MAP4: variants seen among roughly 807,000 people sequenced by gnomAD.
MAP4 encodes the protein microtubule-associated protein 4.
In MAP4, 76 loss-of-function variants were observed where a neutral mutation model predicts 170.2. The ratio of observed to expected loss-of-function variants is 0.45; its 90% CI spans 0.37 to 0.54. MAP4 has a LOEUF of 0.54. MAP4 is among the 20% of genes least tolerant of loss of function. MAP4 has a pLI of 0.00. For synonymous variants in MAP4, 909 were observed against 994.5 expected, an observed-to-expected ratio of 0.91 and a Z score of 1.62; for missense variants, 2,506 against 2,748.0, an observed-to-expected ratio of 0.91 and a Z score of 1.97.
intron 17 of MAP4, among the ~76,000 whole-genome samples, chr3:47,866,794 A>G (rs2081231154): frequency 6.6e-6 from 1 of 152,144 alleles, no homozygotes; most frequent in African/African-American, 2.4e-5. Context: ...ATGTTGATTA[A>G]TTCTTATTTT....
chr3:47,974,506 T>C (rs1361741686), intron 3 of MAP4: 9 of 983,950 alleles, frequency 9.1e-6, no homozygotes, highest in Non-Finnish European at 1.1e-5. Context: ...AATCTGTACC[T>C]TGGGGGTTAT....
At chr3:47,939,166 C>T (rs1407778502) in intron 3 of MAP4, among the ~76,000 whole-genome samples, 2 of 152,294 alleles carry the variant, frequency 1.3e-5, no homozygotes, top group East Asian at 3.9e-4. Flanking sequence ...ATAGCTTCCA[C>T]AGAACCTCTC....
chr3:47,934,087 A>C (rs1371486303), intron 3 of MAP4, among the ~76,000 whole-genome samples: 4 of 152,218 alleles, frequency 2.6e-5, no homozygotes, highest in African/African-American at 9.6e-5. Flanking sequence ...CTGCTGGAGA[A>C]GAAATCTCAA....
At chr3:47,974,788 C>T (rs930688955) in intron 3 of MAP4, 1 of 966,046 alleles carries the variant, frequency 1.0e-6, no homozygotes, top group Non-Finnish European at 1.2e-6. Context: ...TTTGGCCCAA[C>T]TTGCAAATAA....
At chr3:48,056,878 C>T (rs1210190836) in intron 1 of MAP4, among the ~76,000 whole-genome samples, 19 of 133,364 alleles carry the variant, frequency 1.4e-4, no homozygotes, top group Non-Finnish European at 2.6e-4. Flanking sequence ...CCAGCCACCC[C>T]GTCCGGGAGG....
chr3:47,905,454 T>C (rs570024523), intron 9 of MAP4, among the ~76,000 whole-genome samples: 1 of 151,756 alleles, frequency 6.6e-6, no homozygotes, highest in East Asian at 1.9e-4. Context: ...GGCAGTTCAG[T>C]GGGAGATCGA....
In MAP4 at chr3:48,052,544, A is replaced by C. The variant is rs182374694; in HGVS notation, c.-20+36229T>G. The stretch of plus-strand genomic sequence containing the variant: ...GCCTGAGTAATGAAAATGTTCTAAA[A>C]CTGATTGTGGTAATGGATGCACAAC... On this transcript the variant is annotated intron_variant, in intron 1 of 18. Coordinates refer to the MAP4 transcript ENST00000360240. 1.2e-4 allele frequency among the ~76,000 whole-genome samples: 18 copies of C among 152,226 alleles called. No homozygotes were observed. The East Asian group carries it at 3.3e-3, about 28-fold the overall frequency.
At chr3:48,034,064 G>A (rs949462199) in intron 1 of MAP4, among the ~76,000 whole-genome samples, 4 of 152,166 alleles carry the variant, frequency 2.6e-5, no homozygotes, top group South Asian at 2.1e-4. Flanking sequence ...GCCAACCAGA[G>A]TGCATACATA....
Position 47,910,763 on chromosome 3 carries a change from T to G in MAP4, c.3658A>C (p.Lys1220Gln). The G allele has an allele frequency of 6.5e-6, 10 of 1,536,098 alleles. No individual in the cohort carries two copies. The highest frequency in any genetic ancestry group is 8.7e-6 in the Non-Finnish European group (10 of 1,146,890). ...KKRGNEGKSK[K>Q]FKNNYSTQPA... ...TGTGTGGAATAATTATTTTTAAACT[T>G]TTTGCTTTTGCCTTCATTGCCTCTC... The change falls in exon 9 of 21, where the codon AAG becomes CAG. Residue 1220 changes from lysine (K) to glutamine (Q), a missense_variant. Lys to Gln is a moderately conservative substitution (Grantham distance 53, BLOSUM62 1). Around this residue, in one of 3 missense-constraint regions of MAP4, gnomAD observed 2,008 missense variants for 2,206.0 expected, o/e 0.91. Transcript: ENST00000683076.
At chr3:48,072,712 G>A (rs2100141625) in intron 1 of MAP4, among the ~76,000 whole-genome samples, 1 of 152,024 alleles carries the variant, frequency 6.6e-6, no homozygotes, top group Non-Finnish European at 1.5e-5. Context: ...TGCCTTTCCT[G>A]GACCTCAGGA....
At chr3:47,893,759 C>CTTT (rs746999860) in intron 10 of MAP4, among the ~76,000 whole-genome samples, 12 of 134,382 alleles carry the variant, frequency 8.9e-5, no homozygotes, top group Admixed American at 2.2e-4. Context: ...ATTTAGATTG[C>CTTT]TTTTTTTTTT....
At chr3:47,935,743 C>A (rs910226217) in intron 3 of MAP4, among the ~76,000 whole-genome samples, 2 of 151,574 alleles carry the variant, frequency 1.3e-5, no homozygotes, top group African/African-American at 4.8e-5. Context: ...TCGAGACCAG[C>A]CTGATCAATA....
chr3:47,875,456 T>G (rs2152406440), intron 12 of MAP4, among the ~76,000 whole-genome samples: 1 of 152,166 alleles, frequency 6.6e-6, no homozygotes, highest in East Asian at 1.9e-4. Flanking sequence ...CCAAATTGAT[T>G]TCCTTTTCTT....
rs964929888 is a variant in MAP4, at chr3:47,852,577, T to C, written c.*357A>G. ...AGGATAGAATCTGGTTCTCCTCTCC[T>C]AGATCCCAACTTAGCCTCAACCACC... On this transcript the variant is annotated 3_prime_UTR_variant, in exon 21 of 21. Coordinates refer to ENST00000683076, the MANE Select transcript of MAP4 (RefSeq NM_001385682.1). 7 of 610,422 alleles carry C rather than the reference T, an allele frequency of 1.1e-5. No individual in the cohort carries two copies. Among genetic ancestry groups the C allele is most frequent in the African/African-American group, 1.1e-4 (6 of 53,270 alleles). 37.8% of individuals were successfully genotyped at this position (610,422 alleles called of 1,614,324 possible). A position where few individuals can be genotyped will look rare whatever the true frequency, so the allele number is the denominator to read the frequency against.
At chr3:47,959,314 C>T (rs1335398411) in intron 3 of MAP4, among the ~76,000 whole-genome samples, 4 of 151,888 alleles carry the variant, frequency 2.6e-5, no homozygotes, top group East Asian at 1.9e-4. Context: ...AAAAATCAGC[C>T]GAGCGTGGTA....
intron 2 of MAP4, among the ~76,000 whole-genome samples, chr3:47,995,292 C>A (rs2100094819): frequency 6.7e-6 from 1 of 149,760 alleles, no homozygotes; most frequent in African/African-American, 2.5e-5. Context: ...GTTCTCTCGC[C>A]CAGGCTGGAG....
chr3:47,988,620 A>G (rs1045157484), intron 2 of MAP4, among the ~76,000 whole-genome samples: 1 of 152,334 alleles, frequency 6.6e-6, no homozygotes, highest in African/African-American at 2.4e-5. Flanking sequence ...AATTAGTGGC[A>G]GAGTCCCTCA....
At chr3:47,863,937 T>TGTGTGGGGGGGC (rs374208589) in intron 17 of MAP4, among the ~76,000 whole-genome samples, 1 of 138,356 alleles carries the variant, frequency 7.2e-6, no homozygotes, top group Admixed American at 7.1e-5. Flanking sequence ...TGTGTGTGTG[T>TGTGTGGGGGGGC]GGGGAGTGGT....
At chr3:48,022,617 G>A (rs1244786027) in intron 1 of MAP4, among the ~76,000 whole-genome samples, 5 of 152,168 alleles carry the variant, frequency 3.3e-5, no homozygotes, top group Admixed American at 6.5e-5. Context: ...TTGGCTGGGC[G>A]TGGTGGCTCA....
Sources: gnomAD v4.1 joint callset for allele counts (sites outside exome capture counted in the v4.1 genomes callset) on GRCh38, gnomAD v4.1.1 for gene constraint, gnomAD v4.1.1 regional missense constraint, MANE v1.5 for transcripts, NCBI Gene and HGNC (gene_info 2026-07-23, HGNC 2026-07-21) for gene names.